The following GORASP1 variants were observed in gnomAD, a reference collection of about 807,000 sequenced individuals.
GORASP1 encodes the protein Golgi reassembly-stacking protein 1.
Under a neutral mutation model 37.7 loss-of-function variants are expected in GORASP1, and 31 were observed. The observed-to-expected ratio is 0.82, with a 90% CI of 0.62 to 1.11. GORASP1 has a LOEUF of 1.11. GORASP1 is among the 50% of genes least tolerant of loss of function. GORASP1 has a pLI of 0.00. For missense variants in GORASP1, 476 were observed against 560.7 expected (o/e 0.85, Z 1.53); for synonymous variants, 204 against 224.8 (o/e 0.91, Z 0.83).
At position 39,100,737 on chromosome 3, in the gene GORASP1, C is replaced by G. The variant is rs758960679; in HGVS notation, c.566+10G>C. On this transcript the variant is annotated intron_variant, in intron 5 of 8. Transcript: ENST00000319283. The surrounding 1 kb of genome is among the most constrained non-coding windows in gnomAD (Gnocchi z 4.6). ...ACCTGGCCCTGCAGCCCTCCAACCC[C>G]ACGAAGTACCTGCCCTCTCCACCCC... The G allele has an allele frequency of 6.2e-7, 1 of 1,612,928 alleles. No homozygotes were observed. Among genetic ancestry groups the G allele is most frequent in the Non-Finnish European group, 8.5e-7 (1 of 1,179,902 alleles).
rs564896918 is a variant in GORASP1, at chr3:39,102,434, G to C, written c.348+244C>G. The stretch of plus-strand genomic sequence containing the variant: ...TTTCAAATTAAGTAACCTAGGTATA[G>C]AAGGTAAGAAAGTACCCAAAGTCAT... On this transcript the variant is annotated intron_variant, in intron 3 of 8. Transcript: ENST00000319283. The surrounding 1 kb of genome is among the most constrained non-coding windows in gnomAD (Gnocchi z 5.0). The C allele has an allele frequency of 3.4e-6, 2 of 584,136 alleles. No individual in the cohort carries two copies. Among genetic ancestry groups the C allele is most frequent in the African/African-American group, 1.9e-5 (1 of 53,744 alleles). The allele number at this position is 584,136 out of a possible 1,614,324, so 36.2% of individuals were successfully genotyped here.
Position 39,103,800 on chromosome 3 carries a change from C to A in GORASP1, c.64-247G>T. The A allele has an allele frequency of 2.3e-6, 1 of 434,286 alleles. No individual in the cohort carries two copies. Among genetic ancestry groups the A allele is most frequent in the Non-Finnish European group, 4.1e-6 (1 of 243,820 alleles). 26.9% of individuals were successfully genotyped at this position (434,286 alleles called of 1,614,324 possible). A position where few individuals can be genotyped will look rare whatever the true frequency, so the allele number is the denominator to read the frequency against. Reference sequence around the variant, plus strand: ...CACAGATGCTTTCAGAAATGGCTCACAGCCCAGGACATCCTTAGGGGCTCC... The same window carrying A: ...CACAGATGCTTTCAGAAATGGCTCAAAGCCCAGGACATCCTTAGGGGCTCC... On this transcript the variant is annotated intron_variant, in intron 1 of 8. Coordinates refer to ENST00000319283, the MANE Select transcript of GORASP1 (RefSeq NM_031899.4). The surrounding 1 kb of genome is among the most constrained non-coding windows in gnomAD (Gnocchi z 5.2).
rs755358818 is a variant in GORASP1, at chr3:39,102,815, C to A, written c.211G>T (p.Val71Leu). The stretch of plus-strand genomic sequence containing the variant: ...ACCCTCATGGTCTTCATATTGAACA[C>A]CTCCAGCTTCACGGGCTTCTCCACA... ...ANVEKPVKLE[V>L]FNMKTMRVRE... Residue 71 changes from valine (V) to leucine (L), a missense_variant, in exon 3 of 9, where the codon GTG (valine) becomes TTG (leucine). Val to Leu is a conservative substitution (Grantham distance 32). Transcript: ENST00000319283. The surrounding 1 kb of genome is among the most constrained non-coding windows in gnomAD (Gnocchi z 5.0). 9 of 1,614,100 alleles carry A rather than the reference C, an allele frequency of 5.6e-6. No individual in the cohort carries two copies.
rs1391903720 is a variant in GORASP1, at chr3:39,102,705, C to A, written c.321G>T (p.Arg107Ser). ...GCACATGCCACACCTGCTCACTGGCCCTGCGGAAGCTGCAGAAGCGCACAC... is the reference window on the plus strand; with the variant it reads ...GCACATGCCACACCTGCTCACTGGCACTGCGGAAGCTGCAGAAGCGCACAC... ...GASVRFCSFR[R>S]ASEQVWHVLD... is the part of the protein sequence containing the mutation. Residue 107 changes from arginine to serine, a missense_variant, in exon 3 of 9, where the codon AGG (arginine) becomes AGT (serine). Physicochemically the swap from Arg to Ser is moderately radical, Grantham distance 110. Transcript: ENST00000319283. This position sits in a 1 kb window ranked among gnomAD's most constrained non-coding sequence, Gnocchi z 5.0. 1 of 1,614,034 alleles carries A rather than the reference C, an allele frequency of 6.2e-7. No homozygotes were observed. Among genetic ancestry groups the A allele is most frequent in the Admixed American group, 1.7e-5 (1 of 60,008 alleles).
chr3:39,102,534 T>G lies in GORASP1; in HGVS notation c.348+144A>C, dbSNP rs2035787199. ...TCTGGGACACTGGAATGAGACCACA[T>G]CCTGCCCTCAGTCTTCCCTGGCCAC... On this transcript the variant is annotated intron_variant, in intron 3 of 8. Coordinates refer to ENST00000319283, the MANE Select transcript of GORASP1 (RefSeq NM_031899.4). This position sits in a 1 kb window ranked among gnomAD's most constrained non-coding sequence, Gnocchi z 5.0. 2.6e-6 allele frequency: 2 copies of G among 758,772 alleles called. No individual in the cohort carries two copies. Among genetic ancestry groups the G allele is most frequent in the Non-Finnish European group, 4.5e-6 (2 of 448,860 alleles). The allele number at this position is 758,772 out of a possible 1,614,324, so 47.0% of individuals were successfully genotyped here.
In GORASP1 at chr3:39,102,379, A is replaced by G; in HGVS notation, c.348+299T>C. On this transcript the variant is annotated intron_variant, in intron 3 of 8. Transcript: ENST00000319283. The surrounding 1 kb of genome is among the most constrained non-coding windows in gnomAD (Gnocchi z 5.0). ...AAAGCAGCAGCATTCCAGCAGTCCA[A>G]CCACCATTCCAGTAGATGATATTTC... 1 of 520,586 alleles carries G rather than the reference A, an allele frequency of 1.9e-6. No individual in the cohort carries two copies. The highest frequency in any genetic ancestry group is 3.5e-6 in the Non-Finnish European group (1 of 287,188). 32.2% of individuals were successfully genotyped at this position (520,586 alleles called of 1,614,324 possible).
At chr3:39,099,607 A>T (rs1432326325) in intron 6 of GORASP1, 104 bp from the exon 7 acceptor site, 1 of 1,173,166 alleles carries the variant, frequency 8.5e-7, no homozygotes, top group Non-Finnish European at 1.2e-6. Context: ...TCCCAGGAAC[A>T]CTGCTCTGCC....
At position 39,096,899 on chromosome 3, in the gene GORASP1, G is replaced by C. The variant is rs554622058; in HGVS notation, c.*1337C>G. On this transcript the variant is annotated 3_prime_UTR_variant, in exon 9 of 9. Transcript: ENST00000319283. Reference sequence around the variant, plus strand: ...CAGGCTACAGAGTTAAGGGAAGCTGGCCCCAGAACAGTCCTGTGGCGATTC... The same window carrying C: ...CAGGCTACAGAGTTAAGGGAAGCTGCCCCCAGAACAGTCCTGTGGCGATTC... The C allele has an allele frequency of 6.6e-6, 1 of 152,324 alleles. No individual in the cohort carries two copies. Among genetic ancestry groups the C allele is most frequent in the African/African-American group, 2.4e-5 (1 of 41,546 alleles). The allele number at this position is 152,324 out of a possible 1,614,324, so 9.4% of individuals were successfully genotyped here. A position where few individuals can be genotyped will look rare whatever the true frequency, so the allele number is the denominator to read the frequency against.
Position 39,098,681 on chromosome 3 carries a change from C to A in GORASP1, c.1069+60G>T. ...TTCTGCCCAGCTGAGGAATTGAGGG[C>A]AGCCTTCCCAACAACCCGGGGTCCT... is the stretch of plus-strand genomic sequence containing the variant. On this transcript the variant is annotated intron_variant, in intron 8 of 8. Coordinates refer to ENST00000319283, the MANE Select transcript of GORASP1 (RefSeq NM_031899.4). The surrounding 1 kb of genome is among the most constrained non-coding windows in gnomAD (Gnocchi z 4.7). 1.9e-6 allele frequency: 3 copies of A among 1,581,422 alleles called. No individual in the cohort carries two copies. Among genetic ancestry groups the A allele is most frequent in the Non-Finnish European group, 1.7e-6 (2 of 1,162,646 alleles).
At position 39,098,548 on chromosome 3, in the gene GORASP1, G is replaced by C; in HGVS notation, c.1070-59C>G. 2 of 1,563,568 alleles carry C rather than the reference G, an allele frequency of 1.3e-6. No homozygotes were observed. The highest frequency in any genetic ancestry group is 1.7e-6 in the Non-Finnish European group (2 of 1,153,866). On this transcript the variant is annotated intron_variant, in intron 8 of 8. Coordinates refer to ENST00000319283, the MANE Select transcript of GORASP1 (RefSeq NM_031899.4). This position sits in a 1 kb window ranked among gnomAD's most constrained non-coding sequence, Gnocchi z 4.7. ...CAAGAACCTAGGGCCATGGTGTTAG[G>C]GCCAGTAACCCCACCGACCGCTCCC...
At position 39,097,956 on chromosome 3, in the gene GORASP1, A is replaced by C; in HGVS notation, c.*280T>G. 1 of 461,268 alleles carries C rather than the reference A, an allele frequency of 2.2e-6. No homozygotes were observed. 28.6% of individuals were successfully genotyped at this position (461,268 alleles called of 1,614,324 possible). ...AGCGACCAGGCCAACACTGGACAGC[A>C]ACCCCTTCCTTCCTCACCTCATCTT... On this transcript the variant is annotated 3_prime_UTR_variant, in exon 9 of 9. Transcript: ENST00000319283.
In GORASP1 at chr3:39,100,793, G is replaced by A. The variant is rs202018366; in HGVS notation, c.520C>T (p.Arg174Trp). ...GCGTTGGGAGTTACAGTCACCTCCCGGCAGGAGTCTGACTTGGAGTTATAC... is the reference window on the plus strand; with the variant it reads ...GCGTTGGGAGTTACAGTCACCTCCCAGCAGGAGTCTGACTTGGAGTTATAC... ...MVYNSKSDSC[R>W]EVTVTPNAAW... is the part of the protein sequence containing the mutation. Residue 174 changes from arginine (R) to tryptophan (W), a missense_variant, in exon 5 of 9, where the codon CGG (arginine) becomes TGG (tryptophan). Coordinates refer to ENST00000319283, the MANE Select transcript of GORASP1 (RefSeq NM_031899.4). The surrounding 1 kb of genome is among the most constrained non-coding windows in gnomAD (Gnocchi z 4.6). The A allele has an allele frequency of 4.0e-4, 643 of 1,614,090 alleles. No homozygotes were observed. The South Asian group carries it at 4.6e-3, about 12-fold the overall frequency.
Position 39,096,820 on chromosome 3 carries a change from T to C in GORASP1, c.*1416A>G, listed in dbSNP as rs2035372643. 6.6e-6 allele frequency: 1 copy of C among 152,024 alleles called. No individual in the cohort carries two copies. Among genetic ancestry groups the C allele is most frequent in the South Asian group, 2.1e-4 (1 of 4,820 alleles). 9.4% of individuals were successfully genotyped at this position (152,024 alleles called of 1,614,324 possible). A position where few individuals can be genotyped will look rare whatever the true frequency, so the allele number is the denominator to read the frequency against. On this transcript the variant is annotated 3_prime_UTR_variant, in exon 9 of 9. Coordinates refer to ENST00000319283, the MANE Select transcript of GORASP1 (RefSeq NM_031899.4). ...CTTATGGGGGAAGGGAAAGTAAAAG[T>C]GAGGGAGGGAAGAGCCAGAACCTTT... is the stretch of plus-strand genomic sequence containing the variant.
In GORASP1 at chr3:39,097,141, G is replaced by A. The variant is rs1268606254; in HGVS notation, c.*1095C>T. ...TTGTCCTGCATACCTGACACAGCTT[G>A]TGAGTTCCCTGCATGTACACCAGCA... On this transcript the variant is annotated 3_prime_UTR_variant, in exon 9 of 9. Transcript: ENST00000319283. 1 of 152,264 alleles carries A rather than the reference G, an allele frequency of 6.6e-6. No homozygotes were observed. The highest frequency in any genetic ancestry group is 1.5e-5 in the Non-Finnish European group (1 of 68,068). The allele number at this position is 152,264 out of a possible 1,614,324, so 9.4% of individuals were successfully genotyped here.
chr3:39,100,199 T>C lies in GORASP1; in HGVS notation c.765+106A>G. The stretch of plus-strand genomic sequence containing the variant: ...GCTCCCACTGGGTCCCAGAAGTACA[T>C]GGGCCTCTCAGATCACAAAGGCCCC... On this transcript the variant is annotated intron_variant, in intron 6 of 8. Transcript: ENST00000319283. This position sits in a 1 kb window ranked among gnomAD's most constrained non-coding sequence, Gnocchi z 4.6. 4.0e-6 allele frequency: 4 copies of C among 995,930 alleles called. No homozygotes were observed. Among genetic ancestry groups the C allele is most frequent in the Admixed American group, 1.9e-5 (1 of 53,078 alleles). The allele number at this position is 995,930 out of a possible 1,614,324, so 61.7% of individuals were successfully genotyped here. A position where few individuals can be genotyped will look rare whatever the true frequency, so the allele number is the denominator to read the frequency against.
chr3:39,099,667 AG>A (rs1227162477), intron 6 of GORASP1, among the ~76,000 whole-genome samples, 164 bp from the exon 7 acceptor site: 1 of 152,170 alleles, frequency 6.6e-6, no homozygotes, highest in Admixed American at 6.5e-5. Context: ...TATTGGTGAT[AG>A]GAAGTCAGGC....
In GORASP1 at chr3:39,100,453, G is replaced by T. The variant is rs146355766; in HGVS notation, c.617C>A (p.Pro206His). The T allele has an allele frequency of 6.5e-5, 105 of 1,606,674 alleles. No homozygotes were observed. Among genetic ancestry groups the T allele is most frequent in the African/African-American group, 2.4e-4 (18 of 74,776 alleles). The change falls in exon 6 of 9, where the codon CCC becomes CAC. Residue 206 changes from proline (P) to histidine (H), a missense_variant. Coordinates refer to ENST00000319283, the MANE Select transcript of GORASP1 (RefSeq NM_031899.4). The surrounding 1 kb of genome is among the most constrained non-coding windows in gnomAD (Gnocchi z 4.6). ...YGYLHRIPTQ[P>H]PSYHKKPPGT... The stretch of plus-strand genomic sequence containing the variant: ...AGGTGGCTTCTTGTGGTAGCTGGGG[G>T]GCTGAGTTGGGATCCGGTGTAGATA...
rs964583823 is a variant in GORASP1, at chr3:39,100,600, A to T, written c.567-97T>A. 2.0e-6 allele frequency: 3 copies of T among 1,473,994 alleles called. No individual in the cohort carries two copies. Among genetic ancestry groups the T allele is most frequent in the Middle Eastern group, 2.5e-4 (1 of 3,948 alleles). The allele number at this position is 1,473,994 out of a possible 1,614,324, so 91.3% of individuals were successfully genotyped here. Reference sequence around the variant, plus strand: ...ACTACCAGCAATAAGGGGGCTGAAAAGGGTACTTCTGAAATACCGGTCAGC... The same window carrying T: ...ACTACCAGCAATAAGGGGGCTGAAATGGGTACTTCTGAAATACCGGTCAGC... On this transcript the variant is annotated intron_variant, in intron 5 of 8. Coordinates refer to ENST00000319283, the MANE Select transcript of GORASP1 (RefSeq NM_031899.4). The surrounding 1 kb of genome is among the most constrained non-coding windows in gnomAD (Gnocchi z 4.6).
At position 39,102,752 on chromosome 3, in the gene GORASP1, C is replaced by T. The variant is rs371599664; in HGVS notation, c.274G>A (p.Gly92Ser). The T allele has an allele frequency of 1.2e-5, 20 of 1,614,202 alleles. No individual in the cohort carries two copies. The highest frequency in any genetic ancestry group is 2.7e-5 in the African/African-American group (2 of 75,050). The change falls in exon 3 of 9, where the codon GGC becomes AGC. Residue 92 changes from glycine to serine, a missense_variant. By Grantham distance (56) the Gly-to-Ser change is moderately conservative. Transcript: ENST00000319283. This position sits in a 1 kb window ranked among gnomAD's most constrained non-coding sequence, Gnocchi z 5.0. Reference protein sequence around the residue: ...VEVVPSNMWGGQGLLGASVRF... With the variant: ...VEVVPSNMWGSQGLLGASVRF... ...ACACTGGCACCCAGTAGGCCCTGGC[C>T]GCCCCACATGTTGCTGGGCACCACC... is the stretch of plus-strand genomic sequence containing the variant.
Sources: allele counts gnomAD v4.1 joint callset (sites outside exome capture counted in the v4.1 genomes callset), GRCh38; gene constraint gnomAD v4.1.1; non-coding constraint Gnocchi (gnomAD v3.1); transcripts MANE v1.5; gene names NCBI Gene and HGNC (gene_info 2026-07-23, HGNC 2026-07-21).